Variants in NTM observed in about 807,000 individuals in gnomAD.
The protein encoded by NTM is IgLON family member 2.
A neutral mutation model predicts 42.1 loss-of-function variants in NTM; 13 were observed. The observed-to-expected ratio is 0.31, with a 90% CI of 0.20 to 0.49. The LOEUF (loss-of-function observed/expected upper bound fraction) is 0.49. NTM is among the 20% of genes least tolerant of loss of function. The pLI is 0.99. For missense variants in NTM, 373 were observed against 452.8 expected, an observed-to-expected ratio of 0.82 and a Z score of 1.60; for synonymous variants, 187 against 179.2, an observed-to-expected ratio of 1.04 and a Z score of -0.35.
intron 1 of NTM, among the ~76,000 whole-genome samples, chr11:131,748,433 T>C (rs2082085500): frequency 6.6e-6 from 1 of 152,232 alleles, no homozygotes; most frequent in South Asian, 2.1e-4. Flanking sequence ...CTTGAATTAA[T>C]ACCATTCTAA....
At chr11:132,128,629 A>G (rs1275191089) in intron 2 of NTM, among the ~76,000 whole-genome samples, 1 of 151,998 alleles carries the variant, frequency 6.6e-6, no homozygotes, top group African/African-American at 2.4e-5. Context: ...AGAGGCTGAT[A>G]AGGGGCTGGG....
intron 1 of NTM, among the ~76,000 whole-genome samples, chr11:131,683,335 G>A (rs1372983656): frequency 6.6e-6 from 1 of 152,244 alleles, no homozygotes; most frequent in African/African-American, 2.4e-5. Context: ...CGGCAGGGCT[G>A]TCTGCAGCGG....
chr11:131,726,246 T>C (rs528582570), intron 1 of NTM, among the ~76,000 whole-genome samples: 1 of 152,334 alleles, frequency 6.6e-6, no homozygotes, highest in East Asian at 1.9e-4. Context: ...CTAGCGACCC[T>C]ATCTTTTTTG....
chr11:131,793,948 G>A (rs2091260746), intron 1 of NTM, among the ~76,000 whole-genome samples: 1 of 152,182 alleles, frequency 6.6e-6, no homozygotes, highest in South Asian at 2.1e-4. Flanking sequence ...GAGTGCTGGA[G>A]GGATTGACTG....
chr11:131,519,494 C>A (rs1348756452), intron 1 of NTM, among the ~76,000 whole-genome samples: 1 of 146,914 alleles, frequency 6.8e-6, no homozygotes, highest in Non-Finnish European at 1.5e-5. Context: ...GGTGAACCTG[C>A]TTGTTAGGGA....
At chr11:131,490,627 A>C (rs191564680) in intron 1 of NTM, among the ~76,000 whole-genome samples, 1 of 152,310 alleles carries the variant, frequency 6.6e-6, no homozygotes, top group Non-Finnish European at 1.5e-5. Flanking sequence ...TAAGAGAAAC[A>C]GGGCCTGTCA....
chr11:131,799,042 A>C (rs1271187966), intron 1 of NTM, among the ~76,000 whole-genome samples: 1 of 152,266 alleles, frequency 6.6e-6, no homozygotes, highest in Non-Finnish European at 1.5e-5. Flanking sequence ...AAGGGCAGAC[A>C]GAAAATTTGC....
At chr11:132,296,285 A>G (rs2094606100) in intron 4 of NTM, among the ~76,000 whole-genome samples, 1 of 152,166 alleles carries the variant, frequency 6.6e-6, no homozygotes, top group Non-Finnish European at 1.5e-5. Context: ...TACAGTGCTG[A>G]GATGGCATTT....
intron 2 of NTM, among the ~76,000 whole-genome samples, chr11:132,018,666 GAT>G (rs1356792502): frequency 6.6e-6 from 1 of 151,856 alleles, no homozygotes; most frequent in Non-Finnish European, 1.5e-5. Flanking sequence ...ATGTTTATGA[GAT>G]ATAGTAATCT....
At chr11:131,628,877 G>A (rs2063380700) in intron 1 of NTM, among the ~76,000 whole-genome samples, 1 of 152,232 alleles carries the variant, frequency 6.6e-6, no homozygotes, top group African/African-American at 2.4e-5. Flanking sequence ...TGGGGTGATG[G>A]GCCATGAGCC....
chr11:131,660,953 T>C, intron 1 of NTM: 1 of 1,303,762 alleles, frequency 7.7e-7, no homozygotes, highest in Non-Finnish European at 1.0e-6. Context: ...ATTCTGCTCA[T>C]CCCCAAGGCA....
At chr11:131,886,623 C>T (rs891144843) in intron 1 of NTM, among the ~76,000 whole-genome samples, 7 of 152,182 alleles carry the variant, frequency 4.6e-5, no homozygotes, top group African/African-American at 1.7e-4. Context: ...TTGCTGTTTG[C>T]TTGTGTCTCC....
chr11:132,033,110 T>G (rs2135683361), intron 2 of NTM, among the ~76,000 whole-genome samples: 1 of 152,306 alleles, frequency 6.6e-6, no homozygotes, highest in South Asian at 2.1e-4. Context: ...ATGCAAAAGC[T>G]TTTTCTTTGT....
intron 1 of NTM, among the ~76,000 whole-genome samples, chr11:131,516,352 C>T (rs1565589413): frequency 6.6e-6 from 1 of 152,214 alleles, no homozygotes; most frequent in Non-Finnish European, 1.5e-5. Flanking sequence ...AGCCTGTGCC[C>T]TTTGTGCAAG....
intron 1 of NTM, among the ~76,000 whole-genome samples, chr11:131,790,267 G>T (rs980945650): frequency 1.3e-5 from 2 of 152,084 alleles, no homozygotes; most frequent in Non-Finnish European, 1.5e-5. Context: ...GCCTCAGTGG[G>T]TTTGCTCTAT....
chr11:131,376,177 A>G (rs1019399451), intron 1 of NTM, among the ~76,000 whole-genome samples: 6 of 152,298 alleles, frequency 3.9e-5, no homozygotes, highest in South Asian at 4.1e-4. Context: ...AGGGAGGCCA[A>G]CGGACCATGG....
chr11:131,504,400 G>A (rs868634199), intron 1 of NTM, among the ~76,000 whole-genome samples: 7 of 152,148 alleles, frequency 4.6e-5, no homozygotes, highest in South Asian at 4.1e-4. Flanking sequence ...AGATAGGACC[G>A]CAGCTACCCA....
intron 1 of NTM, among the ~76,000 whole-genome samples, chr11:131,819,951 G>T (rs2093113328): frequency 6.6e-6 from 1 of 152,164 alleles, no homozygotes; most frequent in Non-Finnish European, 1.5e-5. Flanking sequence ...TCTGTTCCCT[G>T]ACACTCGCCT....
At chr11:132,309,796 C>T (rs1346371905) in intron 5 of NTM, among the ~76,000 whole-genome samples, 1 of 152,134 alleles carries the variant, frequency 6.6e-6, no homozygotes, top group African/African-American at 2.4e-5. Flanking sequence ...GTGCAGTGCC[C>T]TGTAATCCCA....
Sources: allele counts gnomAD v4.1 joint callset (sites outside exome capture counted in the v4.1 genomes callset), GRCh38; gene constraint gnomAD v4.1.1; transcripts MANE v1.5; gene names NCBI Gene and HGNC (gene_info 2026-07-23, HGNC 2026-07-21).